The following FAM171B variants were observed in gnomAD, a reference collection of about 807,000 sequenced individuals.
FAM171B encodes protein FAM171B.
In FAM171B, 19 loss-of-function variants were observed where a neutral mutation model predicts 75.6. The ratio of observed to expected loss-of-function variants is 0.25; its 90% CI spans 0.18 to 0.37. FAM171B has a LOEUF of 0.37. FAM171B is among the 10% of genes least tolerant of loss of function. The pLI, the probability that FAM171B is intolerant of heterozygous loss-of-function variation, is 1.00. For synonymous variants in FAM171B, 367 were observed against 361.7 expected, an observed-to-expected ratio of 1.01 and a Z score of -0.17; for missense variants, 848 against 982.4, an observed-to-expected ratio of 0.86 and a Z score of 1.83.
chr2:186,748,879 T>C (rs1292547820), intron 4 of FAM171B, among the ~76,000 whole-genome samples: 1 of 152,156 alleles, frequency 6.6e-6, no homozygotes, highest in Non-Finnish European at 1.5e-5. Context: ...GAATGGTATC[T>C]GTACACACTA....
intron 1 of FAM171B, among the ~76,000 whole-genome samples, chr2:186,723,585 G>A (rs1262932286): frequency 1.3e-5 from 2 of 152,050 alleles, no homozygotes; most frequent in African/African-American, 2.4e-5. Context: ...ATCTTCATAT[G>A]TTTGTTTTTC....
intron 1 of FAM171B, among the ~76,000 whole-genome samples, chr2:186,729,148 C>T (rs1223998453): frequency 6.6e-6 from 1 of 152,126 alleles, no homozygotes; most frequent in African/African-American, 2.4e-5. Context: ...ACCTAGCTCA[C>T]TGATACGTAT....
chr2:186,726,489 A>G (rs1048224451), intron 1 of FAM171B, among the ~76,000 whole-genome samples: 1 of 152,102 alleles, frequency 6.6e-6, no homozygotes, highest in African/African-American at 2.4e-5. Flanking sequence ...CAGAATGCAT[A>G]ATAATATGGT....
At chr2:186,719,794 C>T (rs1574101155) in intron 1 of FAM171B, among the ~76,000 whole-genome samples, 1 of 152,164 alleles carries the variant, frequency 6.6e-6, no homozygotes, top group East Asian at 1.9e-4. Context: ...CAGTTCACAG[C>T]TTTGACCTAT....
intron 1 of FAM171B, among the ~76,000 whole-genome samples, chr2:186,713,819 G>A (rs1387568989): frequency 6.6e-6 from 1 of 152,106 alleles, no homozygotes. Flanking sequence ...AAATCAGTGA[G>A]GTATTCATCT....
chr2:186,696,995 A>AATGGATGGATGGATGG (rs776357355), intron 1 of FAM171B, among the ~76,000 whole-genome samples: 2 of 99,332 alleles, frequency 2.0e-5, no homozygotes, highest in South Asian at 4.2e-4. Context: ...CCATTTGTTG[A>AATGGATGGATGGATGG]ATGGATGGAC....
chr2:186,730,594 T>C (rs1690100780), intron 1 of FAM171B, among the ~76,000 whole-genome samples: 1 of 152,228 alleles, frequency 6.6e-6, no homozygotes, highest in African/African-American at 2.4e-5. Context: ...AGGGAGATTA[T>C]GATTTGGATC....
At chr2:186,751,507 G>A (rs1481163912) in intron 5 of FAM171B, among the ~76,000 whole-genome samples, 2 of 152,038 alleles carry the variant, frequency 1.3e-5, no homozygotes, top group African/African-American at 4.8e-5. Flanking sequence ...CAAAAAAATA[G>A]CATTATTTAT....
Position 186,762,154 on chromosome 2 carries a change from T to C in FAM171B, c.1812T>C (p.Asp604=), listed in dbSNP as rs534158131. 7.4e-6 allele frequency: 12 copies of C among 1,613,592 alleles called. No homozygotes were observed. In the South Asian group the frequency reaches 1.3e-4, roughly 18 times the overall value. ...AGCCCCCAGATGCCAGGGAAGAGGATATCATACTTGAAGGTCAACAGAGCC... is the reference window on the plus strand; with the variant it reads ...AGCCCCCAGATGCCAGGGAAGAGGACATCATACTTGAAGGTCAACAGAGCC... The part of the protein sequence containing the change: ...HAQPPDAREE[D]IILEGQQSLP... Residue 604 remains aspartate, a synonymous_variant, in exon 8 of 8, where the codon GAT becomes GAC. Transcript: ENST00000304698. This position sits in a 1 kb window ranked among gnomAD's most constrained non-coding sequence, Gnocchi z 4.0.
At chr2:186,747,377 T>C in intron 4 of FAM171B, 127 bp downstream of exon 4, 1 of 486,562 alleles carries the variant, frequency 2.1e-6, no homozygotes, top group Non-Finnish European at 3.2e-6. Context: ...ATTTGAGACA[T>C]AAATCTAGTT....
intron 6 of FAM171B, among the ~76,000 whole-genome samples, chr2:186,754,979 T>C (rs1190293188): frequency 6.6e-6 from 1 of 152,146 alleles, no homozygotes; most frequent in Non-Finnish European, 1.5e-5. Context: ...AAACCATGAA[T>C]TGTCCACTAG....
intron 6 of FAM171B, among the ~76,000 whole-genome samples, chr2:186,757,595 G>A (rs903834327): frequency 4.6e-5 from 7 of 152,138 alleles, no homozygotes; most frequent in African/African-American, 1.4e-4. Context: ...AATATTAAGT[G>A]CAAGAGATTA....
At chr2:186,754,083 A>C in intron 6 of FAM171B, 34 bp downstream of exon 6, 1 of 1,481,916 alleles carries the variant, frequency 6.7e-7, no homozygotes, top group Non-Finnish European at 9.2e-7. Context: ...TAAAACATGT[A>C]ATTCAAATAG....
rs142419601 is a variant in FAM171B at position 186,706,277 on chromosome 2, C to T, written c.238+11866C>T. On this transcript the variant is annotated intron_variant, in intron 1 of 7. Coordinates refer to ENST00000304698, the MANE Select transcript of FAM171B (RefSeq NM_177454.4). ...GGGTCAAAATAGTAATTTCAGTCTA[C>T]AGTGATTTAAATCTGTAATTTAACT... Among the ~76,000 whole-genome samples, 1,084 of 152,320 alleles carry T rather than the reference C, an allele frequency of 7.1e-3. 12 individuals are homozygous for T. The highest frequency in any genetic ancestry group is 0.025 in the African/African-American group (1,048 of 41,572).
chr2:186,700,632 T>A (rs1455159562), intron 1 of FAM171B, among the ~76,000 whole-genome samples: 1 of 152,210 alleles, frequency 6.6e-6, no homozygotes, highest in African/African-American at 2.4e-5. Context: ...GTTTATTGAT[T>A]CTTCTGTTGA....
intron 2 of FAM171B, among the ~76,000 whole-genome samples, chr2:186,742,673 G>T (rs1690305666): frequency 6.6e-6 from 1 of 152,190 alleles, no homozygotes; most frequent in Admixed American, 6.5e-5. Flanking sequence ...ATAGAGGAAA[G>T]ATATCAAACG....
intron 6 of FAM171B, among the ~76,000 whole-genome samples, chr2:186,756,544 A>T (rs1690533245): frequency 6.6e-6 from 1 of 152,208 alleles, no homozygotes; most frequent in South Asian, 2.1e-4. Context: ...AGGTGCTGTC[A>T]GGGTTGGTGA....
intron 1 of FAM171B, among the ~76,000 whole-genome samples, chr2:186,738,733 C>G (rs1347746716): frequency 6.6e-6 from 1 of 152,108 alleles, no homozygotes; most frequent in Non-Finnish European, 1.5e-5. Context: ...TAGTGAAACA[C>G]AATAAAAATG....
At chr2:186,737,458 T>A (rs1037386042) in intron 1 of FAM171B, among the ~76,000 whole-genome samples, 1 of 152,156 alleles carries the variant, frequency 6.6e-6, no homozygotes, top group Non-Finnish European at 1.5e-5. Context: ...CTGGGCTAAA[T>A]CATCCTTCCT....
Sources: allele counts gnomAD v4.1 joint callset (sites outside exome capture counted in the v4.1 genomes callset), GRCh38; gene constraint gnomAD v4.1.1; non-coding constraint Gnocchi (gnomAD v3.1); transcripts MANE v1.5; gene names NCBI Gene and HGNC (gene_info 2026-07-23, HGNC 2026-07-21).